Variants in CNIH2 observed in about 807,000 individuals in gnomAD.
CNIH2 encodes the protein cornichon family AMPA receptor auxiliary protein 2.
Under a neutral mutation model 22.9 loss-of-function variants are expected in CNIH2, and 8 were observed. That is an observed-to-expected ratio of 0.35 (90% confidence interval 0.20 to 0.63). CNIH2 has a LOEUF of 0.63. CNIH2 is among the 30% of genes least tolerant of loss of function. CNIH2 has a pLI of 0.72. For missense variants in CNIH2, 105 were observed against 206.2 expected, an observed-to-expected ratio of 0.51 and a Z score of 3.01; for synonymous variants, 74 against 78.2, an observed-to-expected ratio of 0.95 and a Z score of 0.28.
rs752993620 is a variant in CNIH2 at position 66,283,293 on chromosome 11, G to C, written c.357G>C (p.Ala119=). 9 of 1,614,044 alleles carry C rather than the reference G, an allele frequency of 5.6e-6. No homozygotes were observed. In the Admixed American group the frequency reaches 1.3e-4, roughly 24 times the overall value. The change falls in exon 5 of 6, where the codon GCG becomes GCC. Residue 119 remains alanine (A), a synonymous_variant. Coordinates refer to ENST00000311445, the MANE Select transcript of CNIH2 (RefSeq NM_182553.3). ...PADGSEVMYD[A]VSIMNADILN... ...ATGGCTCTGAGGTCATGTATGATGC[G>C]GTCTCCATCATGAATGCTGACATTC... is the stretch of plus-strand genomic sequence containing the variant.
At chr11:66,281,931 C>A (rs990282984) in intron 1 of CNIH2, among the ~76,000 whole-genome samples, 10 of 152,102 alleles carry the variant, frequency 6.6e-5, no homozygotes, top group Non-Finnish European at 1.2e-4. Context: ...TCCTCCTGGG[C>A]AGGGGCTGCA....
intron 2 of CNIH2, 30 bp downstream of exon 2, chr11:66,282,357 T>TGTCC: frequency 2.8e-6 from 4 of 1,416,748 alleles, no homozygotes; most frequent in Non-Finnish European, 3.8e-6. Flanking sequence ...TGCCGAGGTG[T>TGTCC]GTCCGTCCGT....
At chr11:66,281,152 A>T (rs567113975) in intron 1 of CNIH2, among the ~76,000 whole-genome samples, 2 of 151,188 alleles carry the variant, frequency 1.3e-5, no homozygotes, top group South Asian at 4.2e-4. Flanking sequence ...CTCCACTACA[A>T]CTCTCCTCAC....
At position 66,282,736 on chromosome 11, in the gene CNIH2, G is replaced by T; in HGVS notation, c.154G>T (p.Glu52Ter). ...IDQGNPARAR[E>*]RLKNIERICC... is the part of the protein sequence containing the mutation. Reference sequence around the variant, plus strand: ...GGCCTTTTCCTTCCCCCAACAGCGCGAGCGTTTAAAAAACATCGAACGCAT... The same window carrying T: ...GGCCTTTTCCTTCCCCCAACAGCGCTAGCGTTTAAAAAACATCGAACGCAT... The change falls in exon 3 of 6, where the codon GAG (glutamate) becomes TAG (stop). Residue 52 changes from glutamate to a stop codon, truncating the protein, a stop_gained. Transcript: ENST00000311445. LOFTEE classifies it high-confidence loss of function. 1 of 1,613,666 alleles carries T rather than the reference G, an allele frequency of 6.2e-7. No individual in the cohort carries two copies. Among genetic ancestry groups the T allele is most frequent in the South Asian group, 1.1e-5 (1 of 91,060 alleles).
chr11:66,282,339 A>G lies in CNIH2; in HGVS notation c.150+12A>G, dbSNP rs761810899. On this transcript the variant is annotated intron_variant, in intron 2 of 5. Coordinates refer to ENST00000311445, the MANE Select transcript of CNIH2 (RefSeq NM_182553.3). Reference sequence around the variant, plus strand: ...ACCCTGCGCGGGCAGTAAGTGATACATGTGCTGTGCCGAGGTGTGTCCGTC... The same window carrying G: ...ACCCTGCGCGGGCAGTAAGTGATACGTGTGCTGTGCCGAGGTGTGTCCGTC... The G allele has an allele frequency of 8.3e-6, 12 of 1,437,948 alleles. No homozygotes were observed. Among genetic ancestry groups the G allele is most frequent in the Non-Finnish European group, 1.1e-5 (12 of 1,072,982 alleles). The allele number at this position is 1,437,948 out of a possible 1,614,324, so 89.1% of individuals were successfully genotyped here.
rs1004659104 is a variant in CNIH2, at chr11:66,278,828, G to C, written c.81+291G>C. Among the ~76,000 whole-genome samples the C allele has an allele frequency of 4.0e-5, 6 of 148,482 alleles. No individual in the cohort carries two copies. The East Asian group carries it at 1.0e-3, about 25-fold the overall frequency. ...CCCGTGAGGTGGGGGGTGGAATTCT[G>C]GCATTTTTGTTGCTTTATCTTCTAT... On this transcript the variant is annotated intron_variant, in intron 1 of 5. Coordinates refer to ENST00000311445, the MANE Select transcript of CNIH2 (RefSeq NM_182553.3).
intron 1 of CNIH2, chr11:66,281,556 C>G (rs961071989): frequency 2.7e-5 from 12 of 440,104 alleles, no homozygotes; most frequent in African/African-American, 1.4e-4. Context: ...ATGCCTCCCC[C>G]CAAAATTTTT....
Position 66,283,314 on chromosome 11 carries a change from C to T in CNIH2, c.378C>T (p.Asp126=). 4 of 1,614,186 alleles carry T rather than the reference C, an allele frequency of 2.5e-6. No individual in the cohort carries two copies. Among genetic ancestry groups the T allele is most frequent in the Non-Finnish European group, 2.5e-6 (3 of 1,180,000 alleles). Residue 126 remains aspartate (D), a synonymous_variant, in exon 5 of 6, where the codon GAC becomes GAT. Coordinates refer to ENST00000311445, the MANE Select transcript of CNIH2 (RefSeq NM_182553.3). ...MYDAVSIMNA[D]ILNYCQKESW... ...ATGCGGTCTCCATCATGAATGCTGA[C>T]ATTCTCAACTACTGCCAGAAGGAGT... is the stretch of plus-strand genomic sequence containing the variant.
rs372170161 is a variant in CNIH2, at chr11:66,283,618, C to G, written c.*21C>G. ...TCTAAGGGGGAAGCCGGCCAGGGAG[C>G]GAGCCCAGAACGGACCGGACGCCTG... On this transcript the variant is annotated 3_prime_UTR_variant, in exon 6 of 6. Transcript: ENST00000311445. 2.3e-5 allele frequency: 36 copies of G among 1,562,760 alleles called. No individual in the cohort carries two copies. Among genetic ancestry groups the G allele is most frequent in the Admixed American group, 7.6e-5 (4 of 52,310 alleles).
chr11:66,281,795 C>G (rs2082247902), intron 1 of CNIH2, among the ~76,000 whole-genome samples: 2 of 152,096 alleles, frequency 1.3e-5, no homozygotes, highest in South Asian at 4.2e-4. Flanking sequence ...CTCACCAACA[C>G]CTACTCCGAG....
rs1214546901 is a variant in CNIH2 at position 66,282,727 on chromosome 11, C to A, written c.151-6C>A. On this transcript the variant is annotated splice_region_variant and splice_polypyrimidine_tract_variant and intron_variant, in intron 2 of 5. Transcript: ENST00000311445. ...CCCCATCGCGGCCTTTTCCTTCCCC[C>A]AACAGCGCGAGCGTTTAAAAAACAT... 2 of 1,613,738 alleles carry A rather than the reference C, an allele frequency of 1.2e-6. No individual in the cohort carries two copies. The highest frequency in any genetic ancestry group is 1.7e-6 in the Non-Finnish European group (2 of 1,179,972).
chr11:66,278,548 G>A lies in CNIH2; in HGVS notation c.81+11G>A. On this transcript the variant is annotated intron_variant, in intron 1 of 5. Coordinates refer to ENST00000311445, the MANE Select transcript of CNIH2 (RefSeq NM_182553.3). Reference sequence around the variant, plus strand: ...TTTGTCATCTGGCACGTAAGGCCGGGCTGGGGCTGGGGCTGGGGGCGGGGT... The same window carrying A: ...TTTGTCATCTGGCACGTAAGGCCGGACTGGGGCTGGGGCTGGGGGCGGGGT... The A allele has an allele frequency of 7.6e-7, 1 of 1,312,270 alleles. No homozygotes were observed. Among genetic ancestry groups the A allele is most frequent in the African/African-American group, 1.5e-5 (1 of 65,750 alleles). The allele number at this position is 1,312,270 out of a possible 1,614,324, so 81.3% of individuals were successfully genotyped here.
chr11:66,282,429 G>GGGGGGGGGGGGGCCC, intron 2 of CNIH2, 102 bp downstream of exon 2: 3 of 479,458 alleles, frequency 6.3e-6, no homozygotes, highest in Non-Finnish European at 1.3e-5. Flanking sequence ...GGGGTGGGGG[G>GGGGGGGGGGGGGCCC]CCTACGGCCA....
intron 1 of CNIH2, among the ~76,000 whole-genome samples, chr11:66,279,709 TTCCCCCTGC>T (rs1176385443): frequency 6.6e-6 from 1 of 152,034 alleles, no homozygotes; most frequent in African/African-American, 2.4e-5. Context: ...TGCTCCATGG[TTCCCCCTGC>T]GCTCCCTTTG....
At chr11:66,282,156 CTCCACCTGGCTGG>C in intron 1 of CNIH2, 90 bp from the exon 2 acceptor site, 1 of 1,020,500 alleles carries the variant, frequency 9.8e-7, no homozygotes, top group Non-Finnish European at 1.5e-6. Flanking sequence ...TTGCAACAAG[CTCCACCTGGCTGG>C]TCCTCTTCAG....
At chr11:66,282,552 C>T (rs1857275468) in intron 2 of CNIH2, 181 bp from the exon 3 acceptor site, 11 of 841,658 alleles carry the variant, frequency 1.3e-5, no homozygotes, top group Non-Finnish European at 2.1e-5. Context: ...CATGGAGACG[C>T]GGGTGAAGGC....
chr11:66,282,767 G>C lies in CNIH2; in HGVS notation c.185G>C (p.Cys62Ser). ...ERLKNIERIC[C>S]LLRKLVVPEY... Reference sequence around the variant, plus strand: ...TTAAAAAACATCGAACGCATCTGCTGCCTCCTGAGGAAGGTCAGTGTCAGG... The same window carrying C: ...TTAAAAAACATCGAACGCATCTGCTCCCTCCTGAGGAAGGTCAGTGTCAGG... Residue 62 changes from cysteine to serine, a missense_variant, in exon 3 of 6, where the codon TGC (cysteine) becomes TCC (serine). Transcript: ENST00000311445. 1 of 1,612,592 alleles carries C rather than the reference G, an allele frequency of 6.2e-7. No individual in the cohort carries two copies. Among genetic ancestry groups the C allele is most frequent in the Non-Finnish European group, 8.5e-7 (1 of 1,179,596 alleles).
chr11:66,280,967 A>C (rs1009328273), intron 1 of CNIH2, among the ~76,000 whole-genome samples: 3 of 151,982 alleles, frequency 2.0e-5, no homozygotes, highest in Non-Finnish European at 4.4e-5. Context: ...TTCCCATCCC[A>C]TCATCCCCTC....
chr11:66,279,023 C>G (rs1308877776), intron 1 of CNIH2, among the ~76,000 whole-genome samples: 3 of 148,862 alleles, frequency 2.0e-5, no homozygotes, highest in African/African-American at 7.5e-5. Flanking sequence ...TCCATTAACC[C>G]TTTGCCTTCC....
Sources: allele counts gnomAD v4.1 joint callset (sites outside exome capture counted in the v4.1 genomes callset), GRCh38; gene constraint gnomAD v4.1.1; transcripts MANE v1.5; gene names NCBI Gene and HGNC (gene_info 2026-07-23, HGNC 2026-07-21).